TRAPPC9: variants seen among roughly 807,000 people sequenced by gnomAD.
TRAPPC9 encodes IKK2 binding protein.
TRAPPC9 carries 83 observed loss-of-function variants against 124.0 expected under a neutral mutation model. The ratio of observed to expected loss-of-function variants is 0.67; its 90% CI spans 0.56 to 0.80. The LOEUF is 0.80. TRAPPC9 is among the 30% of genes least tolerant of loss of function. The pLI is 0.00. For synonymous variants in TRAPPC9, 638 were observed against 617.5 expected (o/e 1.03, Z -0.49); for missense variants, 1,302 against 1,508.3 (o/e 0.86, Z 2.27).
At chr8:140,362,894 G>A (rs912665067) in intron 8 of TRAPPC9, among the ~76,000 whole-genome samples, 8 of 152,132 alleles carry the variant, frequency 5.3e-5, no homozygotes, top group South Asian at 4.2e-4. Flanking sequence ...TTCCTACCAC[G>A]GGCGATTATG....
At chr8:139,871,143 A>G (rs537375487) in intron 21 of TRAPPC9, among the ~76,000 whole-genome samples, 5 of 152,182 alleles carry the variant, frequency 3.3e-5, no homozygotes, top group Non-Finnish European at 7.3e-5. Flanking sequence ...CCTGCAGTAG[A>G]GGCTTCTCAA....
intron 2 of TRAPPC9, among the ~76,000 whole-genome samples, chr8:140,444,035 CAAAAA>C (rs35121401): frequency 4.9e-5 from 2 of 40,912 alleles, no homozygotes; most frequent in Non-Finnish European, 8.3e-5. Context: ...GACTCCATCT[CAAAAA>C]AAAAAAAAAA....
chr8:140,178,849 C>T (rs2062133612), intron 17 of TRAPPC9, among the ~76,000 whole-genome samples: 1 of 151,950 alleles, frequency 6.6e-6, no homozygotes, highest in Non-Finnish European at 1.5e-5. Context: ...TGGTGATGTG[C>T]ATCTTTCAAA....
intron 19 of TRAPPC9, among the ~76,000 whole-genome samples, chr8:139,988,266 C>G (rs1837380162): frequency 6.6e-6 from 1 of 151,976 alleles, no homozygotes; most frequent in South Asian, 2.1e-4. Flanking sequence ...GCATGCACCA[C>G]CATGCCCGGG....
At chr8:140,134,229 G>A (rs1322126085) in intron 17 of TRAPPC9, among the ~76,000 whole-genome samples, 1 of 152,082 alleles carries the variant, frequency 6.6e-6, no homozygotes. Context: ...TGAGAGTCAA[G>A]AAATAAACTC....
At chr8:140,247,999 G>C (rs374410999) in intron 16 of TRAPPC9, among the ~76,000 whole-genome samples, 1 of 152,026 alleles carries the variant, frequency 6.6e-6, no homozygotes, top group South Asian at 2.1e-4. Flanking sequence ...TTCTGAGCAC[G>C]TTCTTCTATG....
intron 21 of TRAPPC9, among the ~76,000 whole-genome samples, chr8:139,732,502 A>G (rs567807938): frequency 2.1e-3 from 313 of 152,296 alleles, no homozygotes; most frequent in African/African-American, 7.1e-3. Context: ...GGAGCTCTCT[A>G]GTGAGTCAGG....
chr8:140,013,564 C>G (rs923205058), intron 18 of TRAPPC9, among the ~76,000 whole-genome samples: 1 of 152,200 alleles, frequency 6.6e-6, no homozygotes, highest in Non-Finnish European at 1.5e-5. Flanking sequence ...CTTCAGAGAG[C>G]TGACCATAGG....
chr8:139,888,295 G>A (rs144109421), intron 20 of TRAPPC9, among the ~76,000 whole-genome samples: 315 of 152,244 alleles, frequency 2.1e-3, no homozygotes, highest in African/African-American at 6.5e-3. Context: ...CTGGAGACTC[G>A]GCCCAACTTT....
chr8:139,868,347 C>T (rs1828680539), intron 21 of TRAPPC9, among the ~76,000 whole-genome samples: 2 of 152,158 alleles, frequency 1.3e-5, no homozygotes, highest in Non-Finnish European at 1.5e-5. Context: ...CAGAGCGAGA[C>T]TCCATCTCAA....
At chr8:139,761,624 G>C (rs1036687217) in intron 21 of TRAPPC9, among the ~76,000 whole-genome samples, 3 of 152,026 alleles carry the variant, frequency 2.0e-5, no homozygotes, top group African/African-American at 7.2e-5. Context: ...CAGGTGTCAT[G>C]CTCGTGGCGT....
At chr8:140,098,322 T>A (rs1333040017) in intron 17 of TRAPPC9, 1 of 149,246 alleles carries the variant, frequency 6.7e-6, no homozygotes, top group Non-Finnish European at 1.5e-5. Context: ...CCCAGCTAGG[T>A]CTCCGTGCGC....
intron 10 of TRAPPC9, among the ~76,000 whole-genome samples, chr8:140,305,888 T>C (rs2131852215): frequency 6.6e-6 from 1 of 152,364 alleles, no homozygotes; most frequent in East Asian, 1.9e-4. Flanking sequence ...TTAAATCATT[T>C]GTTCAAAGTC....
chr8:139,750,486 G>C (rs1323540905), intron 21 of TRAPPC9, among the ~76,000 whole-genome samples: 1 of 152,140 alleles, frequency 6.6e-6, no homozygotes, highest in African/African-American at 2.4e-5. Flanking sequence ...AGCACCTTAG[G>C]GCCAGGCAGC....
chr8:140,149,478 G>GGT (rs1373600398), intron 17 of TRAPPC9, among the ~76,000 whole-genome samples: 1 of 152,050 alleles, frequency 6.6e-6, no homozygotes, highest in Non-Finnish European at 1.5e-5. Flanking sequence ...AAATTAGCCG[G>GGT]GTGTGGTGGC....
chr8:139,878,315 G>T (rs36080921), intron 21 of TRAPPC9, among the ~76,000 whole-genome samples: 26,837 of 152,212 alleles, frequency 0.18, 2,942 homozygotes, highest in East Asian at 0.31. Context: ...GAATTGGAAA[G>T]TAGCAAAAAG....
rs1250363170 is a variant in TRAPPC9, at chr8:140,063,200, G to A, written c.2557-39121C>T. On this transcript the variant is annotated intron_variant, in intron 17 of 22. Transcript: ENST00000438773. The surrounding 1 kb of genome is among the most constrained non-coding windows in gnomAD (Gnocchi z 4.3). Reference sequence around the variant, plus strand: ...CCACCTGGTCTCTCCCTTGATACATGGGGCTTATGGAGATTATAATTTACA... The same window carrying A: ...CCACCTGGTCTCTCCCTTGATACATAGGGCTTATGGAGATTATAATTTACA... Among the ~76,000 whole-genome samples, 4 of 152,150 alleles carry A rather than the reference G, an allele frequency of 2.6e-5. No individual in the cohort carries two copies. Among genetic ancestry groups the A allele is most frequent in the Middle Eastern group, 3.2e-3 (1 of 314 alleles).
chr8:140,130,399 T>C (rs535368805), intron 17 of TRAPPC9, among the ~76,000 whole-genome samples: 1 of 152,312 alleles, frequency 6.6e-6, no homozygotes, highest in South Asian at 2.1e-4. Context: ...ATAGGTACGA[T>C]GGGAACATGG....
intron 1 of TRAPPC9, 89 bp downstream of exon 1, chr8:140,457,550 G>C (rs1367492596): frequency 1.0e-6 from 1 of 957,278 alleles, no homozygotes; most frequent in Non-Finnish European, 1.2e-6. Flanking sequence ...GCCCCTCCGC[G>C]GGACGCGCCG....
Sources: gnomAD v4.1 joint callset for allele counts (sites outside exome capture counted in the v4.1 genomes callset) on GRCh38, gnomAD v4.1.1 for gene constraint, Gnocchi (gnomAD v3.1) non-coding constraint, MANE v1.5 for transcripts, NCBI Gene and HGNC (gene_info 2026-07-23, HGNC 2026-07-21) for gene names.